SLCO1B1: variants seen among roughly 807,000 people sequenced by gnomAD.
The protein encoded by SLCO1B1 is solute carrier organic anion transporter family member 1B1.
A neutral mutation model predicts 70.1 loss-of-function variants in SLCO1B1; 81 were observed. The observed-to-expected ratio is 1.16, with a 90% CI of 0.97 to 1.39. SLCO1B1 has a LOEUF of 1.39. SLCO1B1 is among the 40% of genes most tolerant of loss of function. SLCO1B1 has a pLI of 0.00. For missense variants in SLCO1B1, 895 were observed against 799.6 expected, an observed-to-expected ratio of 1.12 and a Z score of -1.44; for synonymous variants, 283 against 271.5, an observed-to-expected ratio of 1.04 and a Z score of -0.42.
At chr12:21,217,338 T>C in intron 12 of SLCO1B1, 35 bp downstream of exon 12, 1 of 1,529,084 alleles carries the variant, frequency 6.5e-7, no homozygotes, top group South Asian at 1.1e-5. Flanking sequence ...TTCATATGCA[T>C]GAGACTATAA....
chr12:21,208,910 T>C (rs928594506), intron 11 of SLCO1B1, among the ~76,000 whole-genome samples: 1 of 152,170 alleles, frequency 6.6e-6, no homozygotes, highest in Non-Finnish European at 1.5e-5. Context: ...GCATTATTGA[T>C]TTGGGTATCA....
At chr12:21,194,419 T>C (rs1941068757) in intron 7 of SLCO1B1, among the ~76,000 whole-genome samples, 1 of 151,800 alleles carries the variant, frequency 6.6e-6, no homozygotes, top group African/African-American at 2.4e-5. Flanking sequence ...TTATTATTAT[T>C]ATTAATTTTG....
intron 7 of SLCO1B1, among the ~76,000 whole-genome samples, chr12:21,190,502 C>T (rs1941017734): frequency 6.6e-6 from 1 of 152,190 alleles, no homozygotes; most frequent in South Asian, 2.1e-4. Context: ...TTCTGGTAGC[C>T]ACCATTCTAC....
At chr12:21,217,031 G>A (rs960065966) in intron 11 of SLCO1B1, 88 bp from the exon 12 acceptor site, 34 of 966,572 alleles carry the variant, frequency 3.5e-5, no homozygotes, top group Non-Finnish European at 5.3e-5. Context: ...TTGAACAAGT[G>A]AGACTTCACT....
intron 14 of SLCO1B1, among the ~76,000 whole-genome samples, chr12:21,228,323 T>C (rs557934543): frequency 1.3e-5 from 2 of 152,338 alleles, no homozygotes; most frequent in South Asian, 4.1e-4. Flanking sequence ...AGGTATAGAA[T>C]TCTAAATTGA....
intron 7 of SLCO1B1, among the ~76,000 whole-genome samples, chr12:21,184,843 G>A (rs1348033854): frequency 2.0e-5 from 3 of 152,080 alleles, no homozygotes; most frequent in African/African-American, 4.8e-5. Context: ...ACAAAACTTA[G>A]CCTTCTGTTG....
chr12:21,196,063 G>A (rs1237194569), intron 7 of SLCO1B1, among the ~76,000 whole-genome samples: 3 of 152,150 alleles, frequency 2.0e-5, no homozygotes, highest in Non-Finnish European at 2.9e-5. Flanking sequence ...GCAAAGAGGT[G>A]TCTCCAATTT....
intron 14 of SLCO1B1, among the ~76,000 whole-genome samples, chr12:21,237,784 G>T (rs1941609973): frequency 6.6e-6 from 1 of 150,616 alleles, no homozygotes; most frequent in African/African-American, 2.4e-5. Context: ...GCATGATCTT[G>T]GCTCACTGCA....
chr12:21,195,061 A>C (rs1452780293), intron 7 of SLCO1B1, among the ~76,000 whole-genome samples: 1 of 152,176 alleles, frequency 6.6e-6, no homozygotes, highest in Non-Finnish European at 1.5e-5. Context: ...AACACCTCCC[A>C]CCAGGCCCTA....
intron 2 of SLCO1B1, among the ~76,000 whole-genome samples, chr12:21,160,464 A>G (rs1053408683): frequency 6.6e-6 from 1 of 151,870 alleles, no homozygotes; most frequent in African/African-American, 2.4e-5. Flanking sequence ...TACACCATAC[A>G]TAAAAATTCT....
intron 11 of SLCO1B1, among the ~76,000 whole-genome samples, chr12:21,209,647 A>G (rs2121162819): frequency 6.6e-6 from 1 of 152,020 alleles, no homozygotes; most frequent in East Asian, 2.0e-4. Flanking sequence ...GACTTCCACA[A>G]TGGTTAAACT....
intron 1 of SLCO1B1, among the ~76,000 whole-genome samples, chr12:21,138,799 A>C (rs868792119): frequency 1.1e-4 from 16 of 152,208 alleles, no homozygotes; most frequent in Admixed American, 1.3e-4. Context: ...CAGGATTGAA[A>C]GAAACATACA....
chr12:21,169,318 C>T (rs1337304589), intron 2 of SLCO1B1, among the ~76,000 whole-genome samples: 4 of 152,100 alleles, frequency 2.6e-5, no homozygotes, highest in African/African-American at 7.2e-5. Flanking sequence ...CCATAATTTA[C>T]AAGTTTTCAG....
At chr12:21,180,393 A>G (rs975730879) in intron 7 of SLCO1B1, among the ~76,000 whole-genome samples, 3 of 152,134 alleles carry the variant, frequency 2.0e-5, no homozygotes, top group Non-Finnish European at 4.4e-5. Flanking sequence ...ATTAGTCTCA[A>G]ATTAATAGCC....
rs542624822 is a variant in SLCO1B1, at chr12:21,235,283, A to G, written c.1866-3696A>G. On this transcript the variant is annotated intron_variant, in intron 14 of 14. Transcript: ENST00000256958. The stretch of plus-strand genomic sequence containing the variant: ...TAAATCTTGTTGAATTAAATGCTTT[A>G]TCATTATGTAATGCACTTACTTGGT... Among the ~76,000 whole-genome samples the G allele has an allele frequency of 3.3e-5, 5 of 151,638 alleles. No homozygotes were observed. The East Asian group carries it at 7.8e-4, about 24-fold the overall frequency.
intron 7 of SLCO1B1, among the ~76,000 whole-genome samples, chr12:21,190,725 G>A (rs1241188641): frequency 6.6e-6 from 1 of 151,762 alleles, no homozygotes; most frequent in African/African-American, 2.4e-5. Context: ...GTATGTCTTT[G>A]TATCTTCATG....
intron 14 of SLCO1B1, among the ~76,000 whole-genome samples, chr12:21,230,091 A>G (rs1027651883): frequency 3.3e-5 from 5 of 152,096 alleles, no homozygotes; most frequent in Non-Finnish European, 5.9e-5. Flanking sequence ...TGATTTTGCA[A>G]ATTCACTTTT....
At chr12:21,136,939 GT>G (rs1174541102) in intron 1 of SLCO1B1, among the ~76,000 whole-genome samples, 2 of 152,070 alleles carry the variant, frequency 1.3e-5, no homozygotes, top group Admixed American at 6.5e-5. Context: ...TTTCTGCTCT[GT>G]TTTTTTCTCA....
At chr12:21,143,952 A>G (rs1940347932) in intron 2 of SLCO1B1, among the ~76,000 whole-genome samples, 4 of 152,126 alleles carry the variant, frequency 2.6e-5, no homozygotes, top group South Asian at 2.1e-4. Flanking sequence ...GTGGCAATAT[A>G]TAAGTGCAAA....
Sources: gnomAD v4.1 joint callset for allele counts (sites outside exome capture counted in the v4.1 genomes callset) on GRCh38, gnomAD v4.1.1 for gene constraint, MANE v1.5 for transcripts, NCBI Gene and HGNC (gene_info 2026-07-23, HGNC 2026-07-21) for gene names.